Variants in KMT5A observed in about 807,000 individuals in gnomAD.
KMT5A encodes the protein N-lysine methyltransferase KMT5A.
KMT5A carries 6 observed loss-of-function variants against 40.6 expected under a neutral mutation model. That is an observed-to-expected ratio of 0.15 (90% CI 0.08 to 0.29). The LOEUF (loss-of-function observed/expected upper bound fraction) is 0.29, where lower values mean the gene tolerates loss of function less well. Ranked by LOEUF, KMT5A falls within the 10% of genes least tolerant of loss-of-function variation. The pLI is 1.00. For synonymous variants in KMT5A, 153 were observed against 178.8 expected (o/e 0.86, Z 1.15); for missense variants, 308 against 459.1 (o/e 0.67, Z 3.01).
intron 7 of KMT5A, among the ~76,000 whole-genome samples, chr12:123,406,363 G>C (rs1878553674): frequency 6.6e-6 from 1 of 152,078 alleles, no homozygotes; most frequent in Non-Finnish European, 1.5e-5. Context: ...TGTCCAGGCA[G>C]GAGTGCAGTG....
intron 2 of KMT5A, 72 bp downstream of exon 2, chr12:123,389,626 C>G: frequency 9.9e-7 from 1 of 1,015,038 alleles, no homozygotes; most frequent in Non-Finnish European, 1.2e-6. Flanking sequence ...TGGGCGACCC[C>G]GGGTACCCGC....
intron 1 of KMT5A, among the ~76,000 whole-genome samples, chr12:123,387,290 G>A (rs1225340467): frequency 6.6e-6 from 1 of 152,178 alleles, no homozygotes; most frequent in African/African-American, 2.4e-5. Context: ...CTTGTAATGT[G>A]TCCCCTGCAA....
intron 3 of KMT5A, among the ~76,000 whole-genome samples, chr12:123,394,769 G>A (rs564424581): frequency 2.6e-5 from 4 of 152,270 alleles, no homozygotes; most frequent in South Asian, 2.1e-4. Flanking sequence ...CAGCGTCTCC[G>A]TCTCTGGTGC....
rs1359252390 is a variant in KMT5A at position 123,405,612 on chromosome 12, C to T, written c.848+538C>T. Among the ~76,000 whole-genome samples the T allele has an allele frequency of 2.8e-5, 4 of 145,326 alleles. 1 individual carries two copies. The highest frequency in any genetic ancestry group is 6.0e-5 in the Non-Finnish European group (4 of 67,190). On this transcript the variant is annotated intron_variant, in intron 7 of 7. Coordinates refer to ENST00000402868, the MANE Select transcript of KMT5A (RefSeq NM_020382.7). The stretch of plus-strand genomic sequence containing the variant: ...TTGGCTCACTGCAACCTCCACCTCC[C>T]GGGTTCAAGGTATTCTGTCTCAGCC...
chr12:123,401,961 C>T (rs1878215427), intron 5 of KMT5A, among the ~76,000 whole-genome samples: 1 of 152,148 alleles, frequency 6.6e-6, no homozygotes, highest in Non-Finnish European at 1.5e-5. Context: ...TGACTCACTG[C>T]AGCCTCAACC....
intron 7 of KMT5A, among the ~76,000 whole-genome samples, chr12:123,405,520 T>C (rs1878480027): frequency 4.9e-5 from 1 of 20,294 alleles, no homozygotes; most frequent in Non-Finnish European, 7.6e-5. Context: ...CTGCTTCCTT[T>C]TTTTTTTTTT....
At chr12:123,394,240 A>C (rs914023740) in intron 3 of KMT5A, among the ~76,000 whole-genome samples, 5 of 150,218 alleles carry the variant, frequency 3.3e-5, no homozygotes, top group Non-Finnish European at 5.9e-5. Context: ...AGTAGCTGGG[A>C]TTACAAGTGT....
chr12:123,389,696 C>T (rs1046443608), intron 2 of KMT5A, 142 bp downstream of exon 2: 2 of 545,580 alleles, frequency 3.7e-6, no homozygotes, highest in Non-Finnish European at 4.8e-6. Flanking sequence ...GGCGCCCACA[C>T]GGCTCCGCCA....
intron 5 of KMT5A, among the ~76,000 whole-genome samples, chr12:123,398,368 G>A (rs1053409741): frequency 6.6e-5 from 10 of 152,126 alleles, no homozygotes; most frequent in Non-Finnish European, 1.0e-4. Context: ...TTGGAGCTGC[G>A]GTGTGCCCAC....
chr12:123,403,390 G>A (rs910453812), intron 5 of KMT5A, among the ~76,000 whole-genome samples, 183 bp from the exon 6 acceptor site: 4 of 152,238 alleles, frequency 2.6e-5, no homozygotes, highest in Non-Finnish European at 5.9e-5. Flanking sequence ...GATGGGTGAT[G>A]AGAAAAGGAG....
chr12:123,391,230 C>T (rs936090291), intron 3 of KMT5A: 6 of 159,316 alleles, frequency 3.8e-5, no homozygotes, highest in Middle Eastern at 3.0e-3. Flanking sequence ...TTTCCGCTCT[C>T]GTCCCTCAGG....
At position 123,408,669 on chromosome 12, in the gene KMT5A, T is replaced by G. The variant is rs1878772113; in HGVS notation, c.*966T>G. ...TTTTGTAGTGGGACCAGAAATTACT[T>G]ACCTGACATCCACCCCCATTCCCCC... On this transcript the variant is annotated 3_prime_UTR_variant, in exon 8 of 8. Transcript: ENST00000402868. 6.6e-6 allele frequency: 1 copy of G among 151,646 alleles called. No individual in the cohort carries two copies. The highest frequency in any genetic ancestry group is 2.4e-5 in the African/African-American group (1 of 41,140). The allele number at this position is 151,646 out of a possible 1,614,324, so 9.4% of individuals were successfully genotyped here.
intron 1 of KMT5A, among the ~76,000 whole-genome samples, chr12:123,387,753 T>G (rs1876963061): frequency 6.6e-6 from 1 of 152,198 alleles, no homozygotes; most frequent in Admixed American, 6.5e-5. Context: ...GGTGGGAGGA[T>G]GGCTACAAAC....
intron 5 of KMT5A, among the ~76,000 whole-genome samples, chr12:123,397,092 C>T (rs59237820): frequency 0.022 from 3,419 of 152,352 alleles, 115 homozygotes; most frequent in African/African-American, 0.077. Context: ...CTGCTCTTTC[C>T]CACGCTGCTG....
intron 7 of KMT5A, among the ~76,000 whole-genome samples, chr12:123,406,293 G>T (rs1183641493): frequency 6.6e-6 from 1 of 152,158 alleles, no homozygotes; most frequent in Non-Finnish European, 1.5e-5. Context: ...AGGACCAGTG[G>T]AGTTGAATTT....
In KMT5A at chr12:123,389,477, G is replaced by C; in HGVS notation, c.55G>C (p.Ala19Pro). 1 of 1,120,740 alleles carries C rather than the reference G, an allele frequency of 8.9e-7. No individual in the cohort carries two copies. The highest frequency in any genetic ancestry group is 1.7e-5 in the African/African-American group (1 of 59,784). 69.4% of individuals were successfully genotyped at this position (1,120,740 alleles called of 1,614,324 possible). ...CCGCGCGGTGGAGGCGGCGGCGGCGGCGGCGGCGGTGGCAGCGACGGCCCC... is the reference window on the plus strand; with the variant it reads ...CCGCGCGGTGGAGGCGGCGGCGGCGCCGGCGGCGGTGGCAGCGACGGCCCC... ...KPRAVEAAAA[A>P]AAVAATAPGP... Residue 19 changes from alanine (A) to proline (P), a missense_variant, in exon 2 of 8, where the codon GCG becomes CCG. Physicochemically the swap from Ala to Pro is conservative, Grantham distance 27. This residue lies in a region of KMT5A where 92 missense variants were observed against 78.3 expected (regional missense o/e 1.18). Transcript: ENST00000402868.
intron 7 of KMT5A, among the ~76,000 whole-genome samples, chr12:123,405,950 G>T (rs1593476907): frequency 6.6e-6 from 1 of 151,880 alleles, no homozygotes; most frequent in Non-Finnish European, 1.5e-5. Flanking sequence ...CTCCTGAGTA[G>T]CTGGGACTAC....
chr12:123,390,935 A>G (rs1185885807), intron 3 of KMT5A, 149 bp downstream of exon 3: 1 of 944,324 alleles, frequency 1.1e-6, no homozygotes, highest in African/African-American at 1.7e-5. Context: ...CTGCTGAAAG[A>G]ATGGCTTGTC....
At chr12:123,407,361 T>A in intron 7 of KMT5A, 132 bp from the exon 8 acceptor site, 1 of 913,226 alleles carries the variant, frequency 1.1e-6, no homozygotes. Context: ...AAAATAGCTT[T>A]ATGAATTGAA....
Sources: gnomAD v4.1 joint callset for allele counts (sites outside exome capture counted in the v4.1 genomes callset) on GRCh38, gnomAD v4.1.1 for gene constraint, gnomAD v4.1.1 regional missense constraint, MANE v1.5 for transcripts, NCBI Gene and HGNC (gene_info 2026-07-23, HGNC 2026-07-21) for gene names.